Variants in FAM149A observed in about 807,000 individuals in gnomAD.
FAM149A encodes the protein family with sequence similarity 149 member A.
FAM149A carries 71 observed loss-of-function variants against 78.2 expected under a neutral mutation model. The observed-to-expected ratio is 0.91, with a 90% CI of 0.75 to 1.11. The LOEUF (loss-of-function observed/expected upper bound fraction) is 1.11, where lower values mean the gene tolerates loss of function less well. FAM149A is among the 50% of genes least tolerant of loss of function. The pLI is 0.00. For missense variants in FAM149A, 1,036 were observed against 971.0 expected, an observed-to-expected ratio of 1.07 and a Z score of -0.89; for synonymous variants, 446 against 410.5, an observed-to-expected ratio of 1.09 and a Z score of -1.04.
chr4:186,150,484 A>G, intron 3 of FAM149A, among the ~76,000 whole-genome samples: 1 of 112,370 alleles, frequency 8.9e-6, no homozygotes, highest in Non-Finnish European at 1.7e-5. Flanking sequence ...CAGGGGCGCG[A>G]TCTCGGCTCA....
intron 1 of FAM149A, among the ~76,000 whole-genome samples, chr4:186,140,731 A>T (rs913925168): frequency 3.9e-5 from 6 of 152,228 alleles, no homozygotes; most frequent in African/African-American, 1.4e-4. Flanking sequence ...AGAAATAGTT[A>T]TGTACTTTTC....
chr4:186,146,971 G>C (rs997489483), intron 1 of FAM149A: 2 of 985,272 alleles, frequency 2.0e-6, no homozygotes, highest in Admixed American at 1.2e-4. Flanking sequence ...AGATGAATAA[G>C]GTGTCAAGGT....
At chr4:186,135,715 C>T (rs1021178096) in intron 1 of FAM149A, among the ~76,000 whole-genome samples, 6 of 152,200 alleles carry the variant, frequency 3.9e-5, no homozygotes, top group Admixed American at 1.3e-4. Flanking sequence ...TAGGAACACT[C>T]GGCAGCTTTA....
At position 186,104,754 on chromosome 4, in the gene FAM149A, C is replaced by CGTCTGG. The variant is rs1279184186; in HGVS notation, c.-322_-321insTCTGGG. ...GAACGTAGCAACCGCGGGCGGCGGG[C>CGTCTGG]GGCGGGCGGCGGGCGTCTGGGGCGG... On this transcript the variant is annotated 5_prime_UTR_variant, in exon 1 of 14. Coordinates refer to ENST00000389354, the MANE Select transcript of FAM149A (RefSeq NM_001367768.3). 2.9e-5 allele frequency among the ~76,000 whole-genome samples: 3 copies of CGTCTGG among 103,310 alleles called. No individual in the cohort carries two copies. The highest frequency in any genetic ancestry group is 7.1e-5 in the Non-Finnish European group (3 of 42,204). 67.8% of individuals were successfully genotyped at this position (103,310 alleles called of 152,430 possible). A position where few individuals can be genotyped will look rare whatever the true frequency, so the allele number is the denominator to read the frequency against.
chr4:186,135,071 T>C (rs994963114), intron 1 of FAM149A, among the ~76,000 whole-genome samples: 1 of 152,204 alleles, frequency 6.6e-6, no homozygotes, highest in African/African-American at 2.4e-5. Flanking sequence ...CACTGCAGAC[T>C]TGCTGCACCA....
rs1291600790 is a variant in FAM149A, at chr4:186,173,732, A to T, written c.*1745A>T. ...AGCAGCAGCAGCGACCACCAGGTCC[A>T]TGCCTCTTTTCCGTGGTCACAGCTC... On this transcript the variant is annotated 3_prime_UTR_variant, in exon 14 of 14. Coordinates refer to ENST00000389354, the MANE Select transcript of FAM149A (RefSeq NM_001367768.3). 1.8e-5 allele frequency among the ~76,000 whole-genome samples: 2 copies of T among 112,808 alleles called. No homozygotes were observed. The highest frequency in any genetic ancestry group is 5.6e-5 in the African/African-American group (2 of 36,020). 74.0% of individuals were successfully genotyped at this position (112,808 alleles called of 152,430 possible).
intron 3 of FAM149A, among the ~76,000 whole-genome samples, chr4:186,151,482 G>GA (rs773877538): frequency 7.9e-5 from 12 of 151,534 alleles, no homozygotes; most frequent in African/African-American, 1.9e-4. Flanking sequence ...ATCACCAGAA[G>GA]AAAAAAAAAT....
At position 186,105,017 on chromosome 4, in the gene FAM149A, C is replaced by T. The variant is rs971094353; in HGVS notation, c.-60C>T. The T allele has an allele frequency of 1.6e-6, 2 of 1,250,206 alleles. No individual in the cohort carries two copies. Among genetic ancestry groups the T allele is most frequent in the Non-Finnish European group, 2.1e-6 (2 of 972,104 alleles). The allele number at this position is 1,250,206 out of a possible 1,614,324, so 77.4% of individuals were successfully genotyped here. A position where few individuals can be genotyped will look rare whatever the true frequency, so the allele number is the denominator to read the frequency against. On this transcript the variant is annotated 5_prime_UTR_variant, in exon 1 of 14. Coordinates refer to ENST00000389354, the MANE Select transcript of FAM149A (RefSeq NM_001367768.3). Reference sequence around the variant, plus strand: ...TCGCCCCGGCCCGGGCCGCCTCGGCCGGATCTCCGCGGTCTGAACTCTCGG... The same window carrying T: ...TCGCCCCGGCCCGGGCCGCCTCGGCTGGATCTCCGCGGTCTGAACTCTCGG...
chr4:186,168,589 C>G (rs1256832899), intron 13 of FAM149A, among the ~76,000 whole-genome samples: 1 of 152,190 alleles, frequency 6.6e-6, no homozygotes, highest in African/African-American at 2.4e-5. Flanking sequence ...CTCCTGACCT[C>G]AGGTAATCCA....
intron 1 of FAM149A, chr4:186,126,950 C>T: frequency 1.0e-6 from 1 of 985,388 alleles, no homozygotes; most frequent in Non-Finnish European, 1.2e-6. Context: ...TAATTTTCTG[C>T]TTTGGAACCA....
intron 1 of FAM149A, among the ~76,000 whole-genome samples, chr4:186,124,792 C>T (rs993853401): frequency 6.6e-6 from 1 of 152,120 alleles, no homozygotes; most frequent in Non-Finnish European, 1.5e-5. Context: ...AATGGGATGG[C>T]TGGGTCAAAT....
rs907022228 is a variant in FAM149A, at chr4:186,105,325, C to T, written c.249C>T (p.Ala83=). The T allele has an allele frequency of 4.3e-6, 5 of 1,168,194 alleles. No homozygotes were observed. The African/African-American group carries it at 5.1e-5, about 12-fold the overall frequency. 72.4% of individuals were successfully genotyped at this position (1,168,194 alleles called of 1,614,324 possible). ...CCTCCCCCTACTCCCGGGGCTCCGC[C>T]GCCAGCCGCGCCGCGGGAGCAGTGG... is the stretch of plus-strand genomic sequence containing the variant. The change falls in exon 1 of 14, where the codon GCC becomes GCT. Residue 83 remains alanine, a synonymous_variant. Coordinates refer to ENST00000389354, the MANE Select transcript of FAM149A (RefSeq NM_001367768.3).
intron 1 of FAM149A, chr4:186,132,836 C>A: frequency 3.5e-6 from 1 of 288,204 alleles, no homozygotes; most frequent in Non-Finnish European, 5.2e-6. Flanking sequence ...CAACTTTCAG[C>A]TTAAGTGTTT....
chr4:186,153,291 A>ACAC (rs1733758469), intron 4 of FAM149A: 1 of 950,334 alleles, frequency 1.1e-6, no homozygotes, highest in Non-Finnish European at 1.3e-6. Context: ...GTATTAGTTA[A>ACAC]TATGTATGGA....
At position 186,136,988 on chromosome 4, in the gene FAM149A, C is replaced by CTCTCTCTCTCTCTCTCTCTCTCTCTCTT. The variant is rs1561396471; in HGVS notation, c.567-12158_567-12157insTTCTCTCTCTCTCTCTCTCTCTCTCTCT. Among the ~76,000 whole-genome samples the CTCTCTCTCTCTCTCTCTCTCTCTCTCTT allele has an allele frequency of 3.0e-4, 36 of 121,586 alleles. 1 individual carries two copies. Among genetic ancestry groups the CTCTCTCTCTCTCTCTCTCTCTCTCTCTT allele is most frequent in the African/African-American group, 9.9e-4 (32 of 32,180 alleles). The allele number at this position is 121,586 out of a possible 152,430, so 79.8% of individuals were successfully genotyped here. ...TTTCTCTCTCTCTTTCTCTCTCTCT[C>CTCTCTCTCTCTCTCTCTCTCTCTCTCTT]TCTCTCTCTCTCTCTCTCTCTCTCT... On this transcript the variant is annotated intron_variant, in intron 1 of 13. Coordinates refer to ENST00000389354, the MANE Select transcript of FAM149A (RefSeq NM_001367768.3).
At chr4:186,167,363 C>A in intron 13 of FAM149A, 101 bp downstream of exon 13, 1 of 1,151,262 alleles carries the variant, frequency 8.7e-7, no homozygotes, top group Non-Finnish European at 1.3e-6. Context: ...GCCTATTTTG[C>A]TGTAGGAGGG....
chr4:186,172,218 G>T lies in FAM149A; in HGVS notation c.*231G>T. On this transcript the variant is annotated 3_prime_UTR_variant, in exon 14 of 14. Transcript: ENST00000389354. ...TGAAAGCATCTCCAAGGTTCTGTAGGCTTTGTTCAGAAGCCCCTGATGTGT... is the reference window on the plus strand; with the variant it reads ...TGAAAGCATCTCCAAGGTTCTGTAGTCTTTGTTCAGAAGCCCCTGATGTGT... 1 of 494,348 alleles carries T rather than the reference G, an allele frequency of 2.0e-6. No individual in the cohort carries two copies. Among genetic ancestry groups the T allele is most frequent in the Non-Finnish European group, 3.3e-6 (1 of 298,636 alleles). 30.6% of individuals were successfully genotyped at this position (494,348 alleles called of 1,614,324 possible).
In FAM149A at chr4:186,157,436, CAT is replaced by C. The variant is rs112998639; in HGVS notation, c.1421-128_1421-127del. ...CAGGGGTCTCTGCCCTCCGTGGTAA[CAT>C]GTGGAGTGGCCGTAGCATGGGCTCG... On this transcript the variant is annotated intron_variant, in intron 7 of 13. Transcript: ENST00000389354. 0.01 allele frequency: 9,424 copies of C among 900,254 alleles called. 557 individuals are homozygous for C. The African/African-American group carries it at 0.13, about 13-fold the overall frequency. The allele number at this position is 900,254 out of a possible 1,614,324, so 55.8% of individuals were successfully genotyped here. A position where few individuals can be genotyped will look rare whatever the true frequency, so the allele number is the denominator to read the frequency against.
intron 1 of FAM149A, chr4:186,127,660 A>G: frequency 2.0e-6 from 2 of 985,374 alleles, no homozygotes; most frequent in South Asian, 9.4e-5. Context: ...ATGTGTGTGA[A>G]AGAGGTAGTC....
Sources: gnomAD v4.1 joint callset for allele counts (sites outside exome capture counted in the v4.1 genomes callset) on GRCh38, gnomAD v4.1.1 for gene constraint, MANE v1.5 for transcripts, NCBI Gene and HGNC (gene_info 2026-07-23, HGNC 2026-07-21) for gene names.